FAM83H: variants seen among roughly 807,000 people sequenced by gnomAD.
The protein encoded by FAM83H is scaffolding CK1 anchoring protein H.
In FAM83H, 24 loss-of-function variants were observed where a neutral mutation model predicts 30.2. That is an observed-to-expected ratio of 0.79 (90% confidence interval 0.57 to 1.12). FAM83H has a LOEUF of 1.12. Ranked by LOEUF, FAM83H falls within the 50% of genes most tolerant of loss-of-function variation. FAM83H has a pLI of 0.00. For missense variants in FAM83H, 2,038 were observed against 1,773.9 expected, an observed-to-expected ratio of 1.15 and a Z score of -2.67; for synonymous variants, 1,013 against 821.7, an observed-to-expected ratio of 1.23 and a Z score of -3.98.
At position 143,733,359 on chromosome 8, in the gene FAM83H, C is replaced by T. The variant is rs1248515731; in HGVS notation, c.-16+332G>A. Among the ~76,000 whole-genome samples, 1 of 152,216 alleles carries T rather than the reference C, an allele frequency of 6.6e-6. No individual in the cohort carries two copies. Among genetic ancestry groups the T allele is most frequent in the Non-Finnish European group, 1.5e-5 (1 of 68,026 alleles). ...GAAGGGTCCAGGCCGTGCCCAGCAC[C>T]CAGACTCCAGCTAGGCCGCGAGGGC... On this transcript the variant is annotated intron_variant, in intron 1 of 4. Coordinates refer to ENST00000388913, the MANE Select transcript of FAM83H (RefSeq NM_198488.5). This position sits in a 1 kb window ranked among gnomAD's most constrained non-coding sequence, Gnocchi z 5.6.
Position 143,727,377 on chromosome 8 carries a change from C to T in FAM83H, c.2084G>A (p.Gly695Asp). The change falls in exon 5 of 5, where the codon GGC (glycine) becomes GAC (aspartate). Residue 695 changes from glycine to aspartate, a missense_variant. Coordinates refer to ENST00000388913, the MANE Select transcript of FAM83H (RefSeq NM_198488.5). ...SLIFSTSQAE[G>D]AAGAAAATEK... ...AGTGGCCGCCGCAGCCCCGGCCGCGCCCTCGGCCTGTGACGTGCTGAAGAT... is the reference window on the plus strand; with the variant it reads ...AGTGGCCGCCGCAGCCCCGGCCGCGTCCTCGGCCTGTGACGTGCTGAAGAT... 1 of 1,571,950 alleles carries T rather than the reference C, an allele frequency of 6.4e-7. No individual in the cohort carries two copies.
rs73371199 is a variant in FAM83H at position 143,729,538 on chromosome 8, C to T, written c.448-215G>A. On this transcript the variant is annotated intron_variant, in intron 2 of 4. Transcript: ENST00000388913. The stretch of plus-strand genomic sequence containing the variant: ...GAACGGCTGGCCATAAGGGGGAAAC[C>T]GAGGCAGGTGCAGGGCAGAGAACCC... 0.05 allele frequency among the ~76,000 whole-genome samples: 7,557 copies of T among 152,178 alleles called. 641 individuals are homozygous for T. The highest frequency in any genetic ancestry group is 0.17 in the African/African-American group (7,105 of 41,476).
rs781857092 is a variant in FAM83H at position 143,727,001 on chromosome 8, G to C, written c.2460C>G (p.Leu820=). ...GAASLTAAQL[L]DTLGRSGSDR... ...CGGAGCCGCTCCGGCCCAGTGTGTC[G>C]AGCAGCTGCGCCGCGGTGAGCGACG... The change falls in exon 5 of 5, where the codon CTC becomes CTG. Residue 820 remains leucine, a synonymous_variant. Coordinates refer to ENST00000388913, the MANE Select transcript of FAM83H (RefSeq NM_198488.5). 17 of 1,585,198 alleles carry C rather than the reference G, an allele frequency of 1.1e-5. No homozygotes were observed. The highest frequency in any genetic ancestry group is 4.0e-5 in the African/African-American group (3 of 74,384).
At chr8:143,731,334 T>C (rs1323612356) in intron 1 of FAM83H, 1 of 985,218 alleles carries the variant, frequency 1.0e-6, no homozygotes, top group Non-Finnish European at 1.2e-6. Context: ...CTGGCCTACC[T>C]CTACTGCACA....
At position 143,727,844 on chromosome 8, in the gene FAM83H, G is replaced by C; in HGVS notation, c.1617C>G (p.Ala539=). ...AGCGCTGGGTCAGGTTGGGGCGCGG[G>C]GCTCCGCTGGGCTCCAGGCCGCGGG... The part of the protein sequence containing the change: ...PGPRGLEPSG[A]PRPNLTQRFP... The change falls in exon 5 of 5, where the codon GCC becomes GCG. Residue 539 remains alanine, a synonymous_variant. Coordinates refer to ENST00000388913, the MANE Select transcript of FAM83H (RefSeq NM_198488.5). 1 of 1,320,614 alleles carries C rather than the reference G, an allele frequency of 7.6e-7. No homozygotes were observed. Among genetic ancestry groups the C allele is most frequent in the African/African-American group, 1.6e-5 (1 of 64,044 alleles). 81.8% of individuals were successfully genotyped at this position (1,320,614 alleles called of 1,614,324 possible). A position where few individuals can be genotyped will look rare whatever the true frequency, so the allele number is the denominator to read the frequency against.
chr8:143,725,655 G>A lies in FAM83H; in HGVS notation c.*266C>T, dbSNP rs559732101. The stretch of plus-strand genomic sequence containing the variant: ...AGACGCTGCGCCACGCAAGGCTGAC[G>A]GTGCAGAGATGAAGGTGCTGAGGGG... On this transcript the variant is annotated 3_prime_UTR_variant, in exon 5 of 5. Coordinates refer to ENST00000388913, the MANE Select transcript of FAM83H (RefSeq NM_198488.5). 4.7e-4 allele frequency: 275 copies of A among 590,280 alleles called. No homozygotes were observed. The highest frequency in any genetic ancestry group is 4.1e-3 in the African/African-American group (223 of 53,798). 36.6% of individuals were successfully genotyped at this position (590,280 alleles called of 1,614,324 possible). A position where few individuals can be genotyped will look rare whatever the true frequency, so the allele number is the denominator to read the frequency against.
In FAM83H at chr8:143,730,129, G is replaced by T; in HGVS notation, c.447+7C>A. 6.5e-7 allele frequency: 1 copy of T among 1,543,234 alleles called. No homozygotes were observed. Among genetic ancestry groups the T allele is most frequent in the East Asian group, 2.3e-5 (1 of 43,400 alleles). ...CCCCCACTACCCTCAAGCCCAAGATGGCGCACCTGCTGGGCGGAACGGATC... is the reference window on the plus strand; with the variant it reads ...CCCCCACTACCCTCAAGCCCAAGATTGCGCACCTGCTGGGCGGAACGGATC... On this transcript the variant is annotated splice_region_variant and intron_variant, in intron 2 of 4. Transcript: ENST00000388913.
chr8:143,728,726 G>GT lies in FAM83H; in HGVS notation c.738-4dup, dbSNP rs535589323. ...TCTTCTCAAAGGACCACATGAAGCT[G>GT]TGGGGGGGTCAGGGCCAGAGTCAAA... On this transcript the variant is annotated splice_region_variant and splice_polypyrimidine_tract_variant and intron_variant, in intron 4 of 4. Transcript: ENST00000388913. 4.4e-5 allele frequency: 70 copies of GT among 1,599,068 alleles called. No homozygotes were observed. In the African/African-American group the frequency reaches 7.7e-4, roughly 18 times the overall value.
chr8:143,732,308 G>T (rs1554624709), intron 1 of FAM83H: 1 of 985,294 alleles, frequency 1.0e-6, no homozygotes, highest in Admixed American at 6.1e-5. Flanking sequence ...ATATGGGGCT[G>T]GTTAGGGCAC....
In FAM83H at chr8:143,727,704, T is replaced by G. The variant is rs782705440; in HGVS notation, c.1757A>C (p.Tyr586Ser). ...AGLRRWRLAS[Y>S]LSGCHGEDGG... ...ATCCTCGCCGTGGCAGCCGCTCAAG[T>G]AGGAGGCCAAACGCCAGCGCCGCAG... The change falls in exon 5 of 5, where the codon TAC becomes TCC. Residue 586 changes from tyrosine to serine, a missense_variant. Coordinates refer to ENST00000388913, the MANE Select transcript of FAM83H (RefSeq NM_198488.5). 6.4e-7 allele frequency: 1 copy of G among 1,555,226 alleles called. No individual in the cohort carries two copies. The highest frequency in any genetic ancestry group is 2.4e-5 in the East Asian group (1 of 41,458).
At chr8:143,732,571 G>T in intron 1 of FAM83H, 1 of 985,384 alleles carries the variant, frequency 1.0e-6, no homozygotes. Flanking sequence ...TGTGTGTAAT[G>T]GGGGCAGGGA....
intron 1 of FAM83H, chr8:143,732,259 C>T: frequency 1.0e-6 from 1 of 985,372 alleles, no homozygotes; most frequent in Non-Finnish European, 1.2e-6. Flanking sequence ...AGAAGCTGTC[C>T]CAACATTTCT....
intron 4 of FAM83H, 30 bp downstream of exon 4, chr8:143,728,937 G>T (rs1554623645): frequency 6.2e-7 from 1 of 1,613,072 alleles, no homozygotes; most frequent in East Asian, 2.2e-5. Context: ...AGGCCCCAGA[G>T]AAGGGGGTGA....
chr8:143,727,336 G>C lies in FAM83H; in HGVS notation c.2125C>G (p.Leu709Val). The stretch of plus-strand genomic sequence containing the variant: ...TCGCTGACCGTCTGCTCCTTGTGCA[G>C]CAGCTGCACCTTCTCAGTGGCCGCC... The part of the protein sequence containing the change: ...AAAATEKVQL[L>V]HKEQTVSETL... The change falls in exon 5 of 5, where the codon CTG (leucine) becomes GTG (valine). Residue 709 changes from leucine to valine, a missense_variant. Transcript: ENST00000388913. 1.3e-6 allele frequency: 2 copies of C among 1,562,634 alleles called. No individual in the cohort carries two copies. The highest frequency in any genetic ancestry group is 1.2e-5 in the South Asian group (1 of 86,618).
Position 143,728,137 on chromosome 8 carries a change from G to C in FAM83H, c.1324C>G (p.Arg442Gly), listed in dbSNP as rs782732391. Residue 442 changes from arginine (R) to glycine (G), a missense_variant, in exon 5 of 5, where the codon CGC becomes GGC. Transcript: ENST00000388913. ...CGGTGGAAGTGGCTGGTCTGGAAGC[G>C]GAAGTCGTCGCCGTGGCTGAGGAAC... ...QTFLSHGDDFRFQTSHFHRDQ... is the reference protein window; with the variant it reads ...QTFLSHGDDFGFQTSHFHRDQ... The C allele has an allele frequency of 6.2e-7, 1 of 1,609,784 alleles. No individual in the cohort carries two copies. Among genetic ancestry groups the C allele is most frequent in the Non-Finnish European group, 8.5e-7 (1 of 1,179,224 alleles).
In FAM83H at chr8:143,726,263, G is replaced by A. The variant is rs1554621666; in HGVS notation, c.3198C>T (p.His1066=). 4 of 1,612,266 alleles carry A rather than the reference G, an allele frequency of 2.5e-6. No homozygotes were observed. The highest frequency in any genetic ancestry group is 1.7e-5 in the Admixed American group (1 of 59,962). ...AVPAPSPGPT[H]NSPELGRPPA... ...GTGGACGGCCTAGCTCGGGGCTGTT[G>A]TGGGTCGGGCCGGGGCTCGGGGCAG... Residue 1066 remains histidine (H), a synonymous_variant, in exon 5 of 5, where the codon CAC becomes CAT. Transcript: ENST00000388913.
In FAM83H at chr8:143,727,177, T is replaced by C; in HGVS notation, c.2284A>G (p.Lys762Glu). 1.3e-6 allele frequency: 2 copies of C among 1,533,854 alleles called. No individual in the cohort carries two copies. The highest frequency in any genetic ancestry group is 1.7e-6 in the Non-Finnish European group (2 of 1,145,646). The change falls in exon 5 of 5, where the codon AAG becomes GAG. Residue 762 changes from lysine (K) to glutamate (E), a missense_variant. Coordinates refer to ENST00000388913, the MANE Select transcript of FAM83H (RefSeq NM_198488.5). ...AGAITVASHS[K>E]AVVSQAWREE... Reference sequence around the variant, plus strand: ...CGCCACGCCTGGGACACGACGGCCTTGCTGTGGCTGGCAACGGTGATGGCG... The same window carrying C: ...CGCCACGCCTGGGACACGACGGCCTCGCTGTGGCTGGCAACGGTGATGGCG...
chr8:143,730,010 A>T (rs1818456363), intron 2 of FAM83H, 126 bp downstream of exon 2: 1 of 864,762 alleles, frequency 1.2e-6, no homozygotes, highest in East Asian at 2.7e-5. Flanking sequence ...GATCTTTGCC[A>T]GGGACCCCCA....
In FAM83H at chr8:143,726,901, G is replaced by A; in HGVS notation, c.2560C>T (p.Leu854=). The A allele has an allele frequency of 2.5e-6, 4 of 1,612,658 alleles. No homozygotes were observed. The South Asian group carries it at 3.3e-5, about 13-fold the overall frequency. ...SPQGLDSPLP[L]EGSGAHQVLH... ...ACCTGGTGCGCTCCGGACCCTTCCA[G>A]CGGCAGAGGGCTGTCCAGCCCTTGC... The change falls in exon 5 of 5, where the codon CTG becomes TTG. Residue 854 remains leucine, a synonymous_variant. Transcript: ENST00000388913.
Sources: allele counts gnomAD v4.1 joint callset (sites outside exome capture counted in the v4.1 genomes callset), GRCh38; gene constraint gnomAD v4.1.1; non-coding constraint Gnocchi (gnomAD v3.1); transcripts MANE v1.5; gene names NCBI Gene and HGNC (gene_info 2026-07-23, HGNC 2026-07-21).